CASZ1: variants seen among roughly 807,000 people sequenced by gnomAD.
CASZ1 encodes zinc finger protein castor homolog 1.
Under a neutral mutation model 135.2 loss-of-function variants are expected in CASZ1, and 28 were observed. That is an observed-to-expected ratio of 0.21 (90% confidence interval 0.15 to 0.28). The LOEUF (loss-of-function observed/expected upper bound fraction) is 0.28, where lower values mean the gene tolerates loss of function less well. Ranked by LOEUF, CASZ1 falls within the 10% of genes least tolerant of loss-of-function variation. CASZ1 has a pLI of 1.00. For synonymous variants in CASZ1, 1,068 were observed against 1,073.4 expected (o/e 0.99, Z 0.10); for missense variants, 2,161 against 2,453.3 (o/e 0.88, Z 2.52).
In CASZ1 at chr1:10,701,370, G is replaced by A. The variant is rs574912036; in HGVS notation, c.-24+4122C>T. On this transcript the variant is annotated intron_variant, in intron 3 of 20. Coordinates refer to ENST00000377022, the MANE Select transcript of CASZ1 (RefSeq NM_001079843.3). The surrounding 1 kb of genome is among the most constrained non-coding windows in gnomAD (Gnocchi z 6.3). Reference sequence around the variant, plus strand: ...TTCATACTAGTTACAGGGTTATTTAGCTTCTCCTGATGCTGACAATCACAA... The same window carrying A: ...TTCATACTAGTTACAGGGTTATTTAACTTCTCCTGATGCTGACAATCACAA... Among the ~76,000 whole-genome samples the A allele has an allele frequency of 3.9e-5, 6 of 152,328 alleles. No individual in the cohort carries two copies. In the South Asian group the frequency reaches 1.2e-3, roughly 32 times the overall value.
chr1:10,657,168 T>C lies in CASZ1; in HGVS notation c.1410-432A>G, dbSNP rs1188921093. On this transcript the variant is annotated intron_variant, in intron 7 of 20. Transcript: ENST00000377022. The surrounding 1 kb of genome is among the most constrained non-coding windows in gnomAD (Gnocchi z 5.7). Reference sequence around the variant, plus strand: ...TAAAGGGCTCTCTCTGTCCTGGGCTTTTCCTGACACTTGAAACAGTGCAGA... The same window carrying C: ...TAAAGGGCTCTCTCTGTCCTGGGCTCTTCCTGACACTTGAAACAGTGCAGA... Among the ~76,000 whole-genome samples the C allele has an allele frequency of 1.3e-5, 2 of 152,230 alleles. No individual in the cohort carries two copies. The highest frequency in any genetic ancestry group is 4.8e-5 in the African/African-American group (2 of 41,460).
intron 2 of CASZ1, among the ~76,000 whole-genome samples, chr1:10,760,215 G>A (rs951381474): frequency 3.3e-5 from 5 of 152,144 alleles, no homozygotes; most frequent in African/African-American, 1.2e-4. Context: ...TACCACATAT[G>A]AGCTTACAGC....
intron 2 of CASZ1, among the ~76,000 whole-genome samples, chr1:10,715,955 C>T (rs1360789674): frequency 1.4e-5 from 2 of 143,452 alleles, no homozygotes. Context: ...AATCCACACC[C>T]CACAGCACCC....
At position 10,739,536 on chromosome 1, in the gene CASZ1, G is replaced by A. The variant is rs1365197074; in HGVS notation, c.-77+21165C>T. Among the ~76,000 whole-genome samples the A allele has an allele frequency of 3.9e-5, 6 of 151,980 alleles. No individual in the cohort carries two copies. Among genetic ancestry groups the A allele is most frequent in the African/African-American group, 7.3e-5 (3 of 41,378 alleles). ...TTCCAGACCTTTCCCTGAGCCCTCC[G>A]CCCCCCGGGCCCACTCCCCGTTCTC... On this transcript the variant is annotated intron_variant, in intron 2 of 20. Transcript: ENST00000377022. This position sits in a 1 kb window ranked among gnomAD's most constrained non-coding sequence, Gnocchi z 4.8.
Position 10,726,121 on chromosome 1 carries a change from T to A in CASZ1, c.-76-20577A>T, listed in dbSNP as rs1639593005. Among the ~76,000 whole-genome samples, 1 of 152,220 alleles carries A rather than the reference T, an allele frequency of 6.6e-6. No homozygotes were observed. Among genetic ancestry groups the A allele is most frequent in the South Asian group, 2.1e-4 (1 of 4,834 alleles). On this transcript the variant is annotated intron_variant, in intron 2 of 20. Coordinates refer to ENST00000377022, the MANE Select transcript of CASZ1 (RefSeq NM_001079843.3). This position sits in a 1 kb window ranked among gnomAD's most constrained non-coding sequence, Gnocchi z 5.7. ...TCACCACCACCACTACTACCAGTAC[T>A]ACTACTACTGCTGCTACTACCACCA...
chr1:10,775,774 G>A (rs1347656847), intron 1 of CASZ1, among the ~76,000 whole-genome samples: 3 of 152,152 alleles, frequency 2.0e-5, no homozygotes, highest in Non-Finnish European at 2.9e-5. Flanking sequence ...CCAAAGGGCC[G>A]AGAGGAAAGA....
At chr1:10,712,101 T>G (rs1183312230) in intron 2 of CASZ1, among the ~76,000 whole-genome samples, 1 of 152,042 alleles carries the variant, frequency 6.6e-6, no homozygotes, top group Non-Finnish European at 1.5e-5. Flanking sequence ...ATCCCAGCAC[T>G]TCGGGAGACC....
chr1:10,674,357 A>G (rs1643495964), intron 4 of CASZ1, among the ~76,000 whole-genome samples: 1 of 152,218 alleles, frequency 6.6e-6, no homozygotes. Flanking sequence ...TGCCCGGCCC[A>G]AGCCCCCACC....
intron 2 of CASZ1, among the ~76,000 whole-genome samples, chr1:10,753,423 CTCACTGCA>C (rs1357213865): frequency 6.6e-6 from 1 of 152,246 alleles, no homozygotes. Context: ...GGGGTCCCCT[CTCACTGCA>C]CCCCGCAAAG....
intron 1 of CASZ1, among the ~76,000 whole-genome samples, chr1:10,782,106 C>T (rs529933059): frequency 1.3e-5 from 2 of 152,338 alleles, no homozygotes; most frequent in African/African-American, 2.4e-5. Context: ...ATAGGAAAGA[C>T]GCTACCCCTC....
intron 2 of CASZ1, among the ~76,000 whole-genome samples, chr1:10,740,979 A>G (rs1037697417): frequency 7.8e-6 from 1 of 127,472 alleles, no homozygotes; most frequent in Non-Finnish European, 1.6e-5. Context: ...AAAAAAAAAG[A>G]AAAAAAAGTC....
intron 2 of CASZ1, among the ~76,000 whole-genome samples, chr1:10,744,482 T>C (rs111676380): frequency 0.4 from 4 of 10 alleles, no homozygotes; most frequent in African/African-American, 0.5. Context: ...CGAGCAGGCA[T>C]GTCCTGGGCA....
rs1639771283 is a variant in CASZ1 at position 10,735,041 on chromosome 1, A to G, written c.-77+25660T>C. On this transcript the variant is annotated intron_variant, in intron 2 of 20. Coordinates refer to ENST00000377022, the MANE Select transcript of CASZ1 (RefSeq NM_001079843.3). This position sits in a 1 kb window ranked among gnomAD's most constrained non-coding sequence, Gnocchi z 5.1. ...CCATGACCAACGGGACCCTGGGAGGACGCAAGGGAGCTTCTACCCCATTGC... is the reference window on the plus strand; with the variant it reads ...CCATGACCAACGGGACCCTGGGAGGGCGCAAGGGAGCTTCTACCCCATTGC... Among the ~76,000 whole-genome samples the G allele has an allele frequency of 6.6e-6, 1 of 152,156 alleles. No individual in the cohort carries two copies. The highest frequency in any genetic ancestry group is 2.4e-5 in the African/African-American group (1 of 41,428).
At chr1:10,684,513 C>G (rs1349692951) in intron 4 of CASZ1, among the ~76,000 whole-genome samples, 1 of 152,188 alleles carries the variant, frequency 6.6e-6, no homozygotes, top group Non-Finnish European at 1.5e-5. Context: ...TCAGGAGGTG[C>G]CTGGGCTCTC....
rs960856226 is a variant in CASZ1, at chr1:10,650,982, G to A, written c.2775C>T (p.Ala925=). 13 of 1,580,408 alleles carry A rather than the reference G, an allele frequency of 8.2e-6. No homozygotes were observed. Among genetic ancestry groups the A allele is most frequent in the Non-Finnish European group, 1.1e-5 (13 of 1,171,378 alleles). The change falls in exon 12 of 21, where the codon GCC becomes GCT. Residue 925 remains alanine, a synonymous_variant. Coordinates refer to ENST00000377022, the MANE Select transcript of CASZ1 (RefSeq NM_001079843.3). ...TCAGGTCTAGACTGCGGTCCTGGGA[G>A]GCTTCGTGGGGGCCTGGGGCGCCGG... The part of the protein sequence containing the change: ...ESTGAPGPHE[A]SQDRSLDLTV...
chr1:10,701,578 G>C lies in CASZ1; in HGVS notation c.-24+3914C>G, dbSNP rs1489335301. ...AGGAGATAACGGGCAAAGGGCTGGA[G>C]GGAGAACAGTGCGGGAGAGAGGAAG... On this transcript the variant is annotated intron_variant, in intron 3 of 20. Transcript: ENST00000377022. This position sits in a 1 kb window ranked among gnomAD's most constrained non-coding sequence, Gnocchi z 6.3. Among the ~76,000 whole-genome samples the C allele has an allele frequency of 6.6e-6, 1 of 152,188 alleles. No individual in the cohort carries two copies. The highest frequency in any genetic ancestry group is 1.9e-4 in the East Asian group (1 of 5,186).
intron 4 of CASZ1, among the ~76,000 whole-genome samples, chr1:10,690,005 C>T (rs1638714705): frequency 6.6e-6 from 1 of 152,266 alleles, no homozygotes; most frequent in African/African-American, 2.4e-5. Context: ...CTACCCCCTG[C>T]AGCAGACTGG....
intron 1 of CASZ1, among the ~76,000 whole-genome samples, chr1:10,765,471 C>T (rs1400555733): frequency 6.6e-6 from 1 of 151,994 alleles, no homozygotes; most frequent in Non-Finnish European, 1.5e-5. Flanking sequence ...GTGTTTTTCG[C>T]TGCATTTTTC....
At position 10,660,086 on chromosome 1, in the gene CASZ1, A is replaced by G. The variant is rs1313582352; in HGVS notation, c.956T>C (p.Leu319Pro). The G allele has an allele frequency of 3.7e-6, 6 of 1,614,120 alleles. No homozygotes were observed. Among genetic ancestry groups the G allele is most frequent in the East Asian group, 2.2e-5 (1 of 44,874 alleles). ...ASKYDFFIQK[L>P]KTGENLRPQN... ...GGGCCGCAGATTCTCGCCGGTCTTCAGTTTTTGGATGAAGAAGTCGTACTT... is the reference window on the plus strand; with the variant it reads ...GGGCCGCAGATTCTCGCCGGTCTTCGGTTTTTGGATGAAGAAGTCGTACTT... The change falls in exon 6 of 21, where the codon CTG becomes CCG. Residue 319 changes from leucine (L) to proline (P), a missense_variant. By Grantham distance (98) the Leu-to-Pro change is moderately conservative. This residue lies in a region of CASZ1 where 590 missense variants were observed against 609.8 expected (regional missense o/e 0.97). Transcript: ENST00000377022.
Sources: allele counts gnomAD v4.1 joint callset (sites outside exome capture counted in the v4.1 genomes callset), GRCh38; gene constraint gnomAD v4.1.1; regional missense constraint gnomAD v4.1.1; non-coding constraint Gnocchi (gnomAD v3.1); transcripts MANE v1.5; gene names NCBI Gene and HGNC (gene_info 2026-07-23, HGNC 2026-07-21).